NRG1: variants seen among roughly 807,000 people sequenced by gnomAD.
NRG1 encodes the protein pro-neuregulin-1, membrane-bound isoform.
Under a neutral mutation model 63.8 loss-of-function variants are expected in NRG1, and 18 were observed. The ratio of observed to expected loss-of-function variants is 0.28; its 90% CI spans 0.19 to 0.42. The LOEUF is 0.42. Ranked by LOEUF, NRG1 falls within the 10% of genes least tolerant of loss-of-function variation. The pLI is 1.00. For missense variants in NRG1, 762 were observed against 814.7 expected (o/e 0.94, Z 0.79); for synonymous variants, 302 against 301.3 (o/e 1.00, Z -0.02).
chr8:32,685,257 A>C (rs527542352), intron 5 of NRG1, among the ~76,000 whole-genome samples: 5 of 152,202 alleles, frequency 3.3e-5, no homozygotes, highest in Admixed American at 2.0e-4. Context: ...CTGAATTCAT[A>C]TCTCAGCTCT....
At chr8:32,095,886 G>A (rs1015428391) in intron 1 of NRG1, among the ~76,000 whole-genome samples, 1 of 152,192 alleles carries the variant, frequency 6.6e-6, no homozygotes, top group Admixed American at 6.5e-5. Context: ...ATAGAAGCCT[G>A]AGGAATATAA....
intron 1 of NRG1, among the ~76,000 whole-genome samples, chr8:32,510,810 C>T (rs1829088575): frequency 6.6e-6 from 1 of 152,038 alleles, no homozygotes. Context: ...CAGGCCATAC[C>T]CTGGGCCATA....
At chr8:32,409,720 G>A (rs1217256602) in intron 1 of NRG1, among the ~76,000 whole-genome samples, 3 of 152,140 alleles carry the variant, frequency 2.0e-5, no homozygotes, top group Admixed American at 6.5e-5. Context: ...TGCACTTCAC[G>A]AAGAGATGAG....
chr8:31,735,828 C>A (rs1814608268), intron 1 of NRG1, among the ~76,000 whole-genome samples: 1 of 152,192 alleles, frequency 6.6e-6, no homozygotes, highest in Admixed American at 6.5e-5. Flanking sequence ...GGAATCATTT[C>A]TCTTTCTCTT....
intron 1 of NRG1, among the ~76,000 whole-genome samples, chr8:32,444,586 TTA>T (rs1397796870): frequency 6.6e-6 from 1 of 152,198 alleles, no homozygotes; most frequent in African/African-American, 2.4e-5. Context: ...AGTTGACTTG[TTA>T]GTGGATTGTG....
rs1455787885 is a variant in NRG1, at chr8:31,931,757, C to T, written c.37+292326C>T. 3.3e-5 allele frequency among the ~76,000 whole-genome samples: 5 copies of T among 152,164 alleles called. No homozygotes were observed. The East Asian group carries it at 9.6e-4, about 29-fold the overall frequency. Reference sequence around the variant, plus strand: ...GTGCAGAGGACATGTGGGCTCTCTTCCTACTGCAGACTCGGGCTGTTCTGA... The same window carrying T: ...GTGCAGAGGACATGTGGGCTCTCTTTCTACTGCAGACTCGGGCTGTTCTGA... On this transcript the variant is annotated intron_variant, in intron 1 of 10. Transcript: ENST00000519301.
intron 1 of NRG1, among the ~76,000 whole-genome samples, chr8:32,220,728 C>A (rs1341747446): frequency 6.6e-6 from 1 of 152,170 alleles, no homozygotes; most frequent in Admixed American, 6.5e-5. Context: ...TCCCTGGAAA[C>A]CCCCAGCAAC....
chr8:32,689,862 T>G (rs1811132533), intron 5 of NRG1, among the ~76,000 whole-genome samples: 1 of 152,228 alleles, frequency 6.6e-6, no homozygotes, highest in Non-Finnish European at 1.5e-5. Context: ...GATAATGTCC[T>G]AGTCAGATTC....
At chr8:31,693,096 T>C (rs544160065) in intron 1 of NRG1, among the ~76,000 whole-genome samples, 2 of 152,306 alleles carry the variant, frequency 1.3e-5, no homozygotes, top group South Asian at 4.1e-4. Flanking sequence ...TGACCACCCT[T>C]GCTGCCGCTG....
At chr8:31,724,777 T>C (rs1449540726) in intron 1 of NRG1, among the ~76,000 whole-genome samples, 1 of 152,148 alleles carries the variant, frequency 6.6e-6, no homozygotes, top group Non-Finnish European at 1.5e-5. Context: ...CTGTAGAATT[T>C]GTGTAATACC....
At chr8:32,070,994 G>A (rs116403665) in intron 1 of NRG1, among the ~76,000 whole-genome samples, 3,185 of 152,092 alleles carry the variant, frequency 0.021, 85 homozygotes, top group African/African-American at 0.06. Flanking sequence ...GTGCCACTTC[G>A]AGGCCTCACA....
intron 1 of NRG1, among the ~76,000 whole-genome samples, chr8:32,292,345 G>C (rs759979493): frequency 2.0e-5 from 3 of 152,226 alleles, no homozygotes; most frequent in Non-Finnish European, 4.4e-5. Context: ...TGTCCCATCT[G>C]ACTGTAATAA....
At chr8:32,606,144 G>A (rs1845236476) in intron 3 of NRG1, among the ~76,000 whole-genome samples, 2 of 147,836 alleles carry the variant, frequency 1.4e-5, no homozygotes, top group African/African-American at 4.9e-5. Context: ...TATAACATAT[G>A]TATTATATAT....
At chr8:31,796,938 C>T (rs955962286) in intron 1 of NRG1, among the ~76,000 whole-genome samples, 1 of 152,056 alleles carries the variant, frequency 6.6e-6, no homozygotes, top group Non-Finnish European at 1.5e-5. Flanking sequence ...TTTGCAAGAT[C>T]AGTGATTATA....
intron 3 of NRG1, among the ~76,000 whole-genome samples, chr8:32,613,077 G>A (rs1044013682): frequency 5.3e-5 from 8 of 151,918 alleles, no homozygotes; most frequent in Middle Eastern, 3.4e-3. Context: ...CCTCTTTCTC[G>A]CCTGATGCTT....
intron 7 of NRG1, among the ~76,000 whole-genome samples, chr8:32,745,565 G>A (rs1038900114): frequency 3.3e-5 from 5 of 152,062 alleles, no homozygotes; most frequent in Admixed American, 6.6e-5. Context: ...TATATTTATA[G>A]TACTTTCTAG....
At chr8:31,900,101 G>T (rs1190214622) in intron 1 of NRG1, among the ~76,000 whole-genome samples, 1 of 152,190 alleles carries the variant, frequency 6.6e-6, no homozygotes, top group Non-Finnish European at 1.5e-5. Flanking sequence ...CAATGAGAAG[G>T]CAATTAAGAA....
intron 1 of NRG1, among the ~76,000 whole-genome samples, chr8:31,755,407 A>C (rs765451731): frequency 2.0e-5 from 3 of 152,230 alleles, no homozygotes; most frequent in Admixed American, 1.3e-4. Context: ...GAATGCATTC[A>C]GATCCACACT....
chr8:32,759,188 C>A, intron 9 of NRG1, 118 bp from the exon 10 acceptor site: 1 of 1,189,504 alleles, frequency 8.4e-7, no homozygotes, highest in Non-Finnish European at 1.2e-6. Context: ...ATCAGCTGTA[C>A]AAAAATAGAT....
Sources: allele counts gnomAD v4.1 joint callset (sites outside exome capture counted in the v4.1 genomes callset), GRCh38; gene constraint gnomAD v4.1.1; transcripts MANE v1.5; gene names NCBI Gene and HGNC (gene_info 2026-07-23, HGNC 2026-07-21).